Variants in COL23A1 observed in about 807,000 individuals in gnomAD.
The protein encoded by COL23A1 is collagen alpha-1(XXIII) chain.
In COL23A1, 97 loss-of-function variants were observed where a neutral mutation model predicts 99.3. The ratio of observed to expected loss-of-function variants is 0.98; its 90% CI spans 0.83 to 1.16. The LOEUF (loss-of-function observed/expected upper bound fraction) is 1.16. COL23A1 is among the 50% of genes most tolerant of loss of function. COL23A1 has a pLI of 0.00. For synonymous variants in COL23A1, 320 were observed against 308.2 expected (o/e 1.04, Z -0.40); for missense variants, 762 against 757.4 (o/e 1.01, Z -0.07).
At chr5:178,244,521 T>C (rs1226876998) in intron 25 of COL23A1, among the ~76,000 whole-genome samples, 4 of 152,232 alleles carry the variant, frequency 2.6e-5, no homozygotes, top group Non-Finnish European at 4.4e-5. Flanking sequence ...TGAAACTTCC[T>C]GTAGAACACT....
At chr5:178,347,072 C>T (rs1264133636) in intron 2 of COL23A1, among the ~76,000 whole-genome samples, 1 of 152,114 alleles carries the variant, frequency 6.6e-6, no homozygotes, top group Non-Finnish European at 1.5e-5. Flanking sequence ...GTCTGGTGGC[C>T]CTGCTTGAGG....
At position 178,262,214 on chromosome 5, in the gene COL23A1, G is replaced by A. The variant is rs533387013; in HGVS notation, c.675+3C>T. 6.3e-7 allele frequency: 1 copy of A among 1,582,398 alleles called. No individual in the cohort carries two copies. Among genetic ancestry groups the A allele is most frequent in the Non-Finnish European group, 8.6e-7 (1 of 1,163,564 alleles). ...AGGCCTCTGGAATGCCCTGGATACT[G>A]ACCATCTCGCCGTCTTGTCCGGGCT... On this transcript the variant is annotated splice_donor_region_variant and intron_variant, in intron 10 of 28. Coordinates refer to ENST00000390654, the MANE Select transcript of COL23A1 (RefSeq NM_173465.4).
intron 2 of COL23A1, among the ~76,000 whole-genome samples, chr5:178,393,652 C>CTT (rs36102461): frequency 8.3e-4 from 119 of 143,256 alleles, no homozygotes; most frequent in South Asian, 2.2e-3. Context: ...CCCTCTTTTC[C>CTT]TTTTTTTTTT....
At chr5:178,298,767 G>C (rs935795275) in intron 3 of COL23A1, among the ~76,000 whole-genome samples, 1 of 152,222 alleles carries the variant, frequency 6.6e-6, no homozygotes, top group African/African-American at 2.4e-5. Flanking sequence ...AGCAGAATGG[G>C]CCAGGCTAGT....
Position 178,468,528 on chromosome 5 carries a change from C to T in COL23A1, c.361+92154G>A, listed in dbSNP as rs566374372. Reference sequence around the variant, plus strand: ...CCTCACCCTGCCTCCCTCATCTGCTCACACCCAGGCCTCACCCGGCCCCGT... The same window carrying T: ...CCTCACCCTGCCTCCCTCATCTGCTTACACCCAGGCCTCACCCGGCCCCGT... On this transcript the variant is annotated intron_variant, in intron 2 of 28. Coordinates refer to ENST00000390654, the MANE Select transcript of COL23A1 (RefSeq NM_173465.4). The surrounding 1 kb of genome is among the most constrained non-coding windows in gnomAD (Gnocchi z 4.2). Among the ~76,000 whole-genome samples, 106 of 152,230 alleles carry T rather than the reference C, an allele frequency of 7.0e-4. No homozygotes were observed. In the Middle Eastern group the frequency reaches 0.034, roughly 49 times the overall value.
chr5:178,536,146 T>C (rs1316048833), intron 2 of COL23A1, among the ~76,000 whole-genome samples: 1 of 152,242 alleles, frequency 6.6e-6, no homozygotes, highest in Non-Finnish European at 1.5e-5. Context: ...AGAAATCTCC[T>C]TTGAGGAACA....
intron 2 of COL23A1, among the ~76,000 whole-genome samples, chr5:178,517,640 C>T (rs1259742851): frequency 1.4e-4 from 20 of 141,526 alleles, no homozygotes; most frequent in African/African-American, 5.3e-4. Flanking sequence ...CAGCTCACTG[C>T]AACCTCCAAC....
chr5:178,397,168 C>A (rs1764194430), intron 2 of COL23A1, among the ~76,000 whole-genome samples: 1 of 152,182 alleles, frequency 6.6e-6, no homozygotes, highest in Non-Finnish European at 1.5e-5. Context: ...CTCAGTACCA[C>A]CTTGGAGTCA....
intron 2 of COL23A1, among the ~76,000 whole-genome samples, chr5:178,437,691 C>T (rs1210061923): frequency 2.0e-5 from 3 of 152,220 alleles, no homozygotes; most frequent in East Asian, 1.9e-4. Context: ...GTCATGGCCC[C>T]GTACTCCCCT....
At chr5:178,513,223 A>G (rs144017221) in intron 2 of COL23A1, among the ~76,000 whole-genome samples, 65 of 152,250 alleles carry the variant, frequency 4.3e-4, no homozygotes, top group African/African-American at 1.5e-3. Flanking sequence ...AATAGCTAAC[A>G]TGTGTTGAGG....
chr5:178,446,461 T>C (rs1351600178), intron 2 of COL23A1, among the ~76,000 whole-genome samples: 2 of 152,058 alleles, frequency 1.3e-5, no homozygotes, highest in African/African-American at 2.4e-5. Flanking sequence ...AAAAGCAAGA[T>C]TATATAGTTG....
At chr5:178,537,670 G>A (rs1250237449) in intron 2 of COL23A1, among the ~76,000 whole-genome samples, 1 of 152,252 alleles carries the variant, frequency 6.6e-6, no homozygotes, top group African/African-American at 2.4e-5. Flanking sequence ...TCCAGCCACA[G>A]GGCAAGGCCA....
At chr5:178,429,117 C>T (rs1766112065) in intron 2 of COL23A1, among the ~76,000 whole-genome samples, 1 of 152,188 alleles carries the variant, frequency 6.6e-6, no homozygotes, top group Admixed American at 6.5e-5. Context: ...TGCCAGGCAC[C>T]AGGGCATTTC....
intron 2 of COL23A1, among the ~76,000 whole-genome samples, chr5:178,507,273 CCA>C (rs1758927179): frequency 6.6e-6 from 1 of 152,190 alleles, no homozygotes; most frequent in Admixed American, 6.5e-5. Context: ...CCACACAACA[CCA>C]CAGAGTGGGC....
In COL23A1 at chr5:178,468,624, A is replaced by C. The variant is rs889501528; in HGVS notation, c.361+92058T>G. ...CCCCTCCCCTCGAGTCCCCCCAGGC[A>C]GCCTGGAGGGAAGGGCCGGGTCCGA... On this transcript the variant is annotated intron_variant, in intron 2 of 28. Transcript: ENST00000390654. The surrounding 1 kb of genome is among the most constrained non-coding windows in gnomAD (Gnocchi z 4.2). Among the ~76,000 whole-genome samples the C allele has an allele frequency of 2.6e-5, 4 of 152,058 alleles. No individual in the cohort carries two copies. Among genetic ancestry groups the C allele is most frequent in the Admixed American group, 2.6e-4 (4 of 15,270 alleles).
At chr5:178,554,470 C>T (rs551874608) in intron 2 of COL23A1, among the ~76,000 whole-genome samples, 16 of 152,324 alleles carry the variant, frequency 1.1e-4, no homozygotes, top group East Asian at 3.9e-4. Flanking sequence ...TGTGCCACCA[C>T]GCCCAGCCCT....
At chr5:178,399,608 CAT>C (rs1764329021) in intron 2 of COL23A1, among the ~76,000 whole-genome samples, 1 of 152,214 alleles carries the variant, frequency 6.6e-6, no homozygotes, top group African/African-American at 2.4e-5. Context: ...GCTCTGCAAA[CAT>C]GGGCTGTTTA....
intron 2 of COL23A1, among the ~76,000 whole-genome samples, chr5:178,463,609 G>A (rs1352015942): frequency 1.3e-5 from 2 of 152,178 alleles, no homozygotes; most frequent in East Asian, 3.9e-4. Context: ...TGCCGATGAG[G>A]ATGCCAGGGG....
At chr5:178,543,106 G>C (rs556190140) in intron 2 of COL23A1, among the ~76,000 whole-genome samples, 1 of 151,880 alleles carries the variant, frequency 6.6e-6, no homozygotes, top group East Asian at 1.9e-4. Context: ...AGCATAATTG[G>C]CTTGTTTTTT....
Sources: gnomAD v4.1 joint callset for allele counts (sites outside exome capture counted in the v4.1 genomes callset) on GRCh38, gnomAD v4.1.1 for gene constraint, Gnocchi (gnomAD v3.1) non-coding constraint, MANE v1.5 for transcripts, NCBI Gene and HGNC (gene_info 2026-07-23, HGNC 2026-07-21) for gene names.